PRPF6: variants seen among roughly 807,000 people sequenced by gnomAD.
The protein encoded by PRPF6 is pre-mRNA processing factor 6.
Under a neutral mutation model 118.3 loss-of-function variants are expected in PRPF6, and 42 were observed. That is an observed-to-expected ratio of 0.35 (90% confidence interval 0.28 to 0.46). The LOEUF is 0.46. Ranked by LOEUF, PRPF6 falls within the 20% of genes least tolerant of loss-of-function variation. The probability of loss-of-function intolerance (pLI) is 1.00; values close to 1 mark genes in which losing one functional copy is unlikely to be tolerated. For missense variants in PRPF6, 662 were observed against 1,255.7 expected (o/e 0.53, Z 7.15); for synonymous variants, 481 against 485.1 (o/e 0.99, Z 0.11).
At chr20:64,007,547 A>G (rs928680181) in intron 9 of PRPF6, among the ~76,000 whole-genome samples, 5 of 145,412 alleles carry the variant, frequency 3.4e-5, no homozygotes, top group Middle Eastern at 7.1e-3. Flanking sequence ...GCTCACTGCA[A>G]CCTCCACCTC....
intron 13 of PRPF6, among the ~76,000 whole-genome samples, chr20:64,023,215 G>A (rs759158510): frequency 2.0e-5 from 3 of 152,246 alleles, no homozygotes; most frequent in Non-Finnish European, 2.9e-5. Context: ...TGGCTGCAGC[G>A]GTGGGTGGGG....
At chr20:64,022,514 G>A (rs2059271183) in intron 12 of PRPF6, among the ~76,000 whole-genome samples, 1 of 152,206 alleles carries the variant, frequency 6.6e-6, no homozygotes, top group Non-Finnish European at 1.5e-5. Flanking sequence ...CACTATGTAA[G>A]TTAGGCTGGT....
chr20:64,032,718 C>CT, intron 20 of PRPF6, 123 bp from the exon 21 acceptor site: 2 of 1,303,634 alleles, frequency 1.5e-6, no homozygotes, highest in Admixed American at 2.0e-5. Context: ...CCTGTGCCCT[C>CT]TGGCCCGCCA....
chr20:64,000,722 C>T lies in PRPF6; in HGVS notation c.1024-355C>T, dbSNP rs184217266. On this transcript the variant is annotated intron_variant, in intron 8 of 20. Coordinates refer to ENST00000266079, the MANE Select transcript of PRPF6 (RefSeq NM_012469.4). Reference sequence around the variant, plus strand: ...TACCTGGGATTATAGGCACCTGCCACCACACCCGGCTAATTTTTGTAGTTT... The same window carrying T: ...TACCTGGGATTATAGGCACCTGCCATCACACCCGGCTAATTTTTGTAGTTT... 2.7e-3 allele frequency among the ~76,000 whole-genome samples: 410 copies of T among 152,184 alleles called. 3 individuals are homozygous for T. The highest frequency in any genetic ancestry group is 9.4e-3 in the African/African-American group (391 of 41,552).
intron 3 of PRPF6, among the ~76,000 whole-genome samples, chr20:63,986,783 C>G (rs188624375): frequency 2.0e-5 from 3 of 151,754 alleles, no homozygotes; most frequent in Non-Finnish European, 2.9e-5. Context: ...CCACTGCGCC[C>G]GGCCTAATCA....
In PRPF6 at chr20:64,011,553, G is replaced by A. The variant is rs2123054126; in HGVS notation, c.1524+50G>A. ...TGTCTGCTTTAACAGTGCACATGCA[G>A]CACGTGAGAGTCCCACGCAGGACTG... On this transcript the variant is annotated intron_variant, in intron 11 of 20. Transcript: ENST00000266079. This position sits in a 1 kb window ranked among gnomAD's most constrained non-coding sequence, Gnocchi z 6.7. The A allele has an allele frequency of 6.4e-7, 1 of 1,554,764 alleles. No individual in the cohort carries two copies. The highest frequency in any genetic ancestry group is 1.2e-5 in the South Asian group (1 of 86,160).
At chr20:63,982,821 T>G (rs545996871) in intron 1 of PRPF6, among the ~76,000 whole-genome samples, 1 of 152,108 alleles carries the variant, frequency 6.6e-6, no homozygotes, top group African/African-American at 2.4e-5. Flanking sequence ...ATCGAAGCCT[T>G]AGGGTGGAGA....
chr20:63,984,860 G>C, intron 2 of PRPF6, 47 bp from the exon 3 acceptor site: 1 of 1,299,000 alleles, frequency 7.7e-7, no homozygotes, highest in Non-Finnish European at 1.1e-6. Flanking sequence ...TGGTGGGGAT[G>C]GTGTTGAAGG....
chr20:64,026,431 C>G lies in PRPF6; in HGVS notation c.2028+373C>G, dbSNP rs377161367. 1.1e-4 allele frequency among the ~76,000 whole-genome samples: 16 copies of G among 151,780 alleles called. No homozygotes were observed. Among genetic ancestry groups the G allele is most frequent in the African/African-American group, 3.9e-4 (16 of 41,276 alleles). On this transcript the variant is annotated intron_variant, in intron 15 of 20. Transcript: ENST00000266079. This position sits in a 1 kb window ranked among gnomAD's most constrained non-coding sequence, Gnocchi z 4.4. Reference sequence around the variant, plus strand: ...TGAGGCAGGAGAATCGCTTGAACCCCGGGGGTGGAGGTTGCGGTGAGCTGA... The same window carrying G: ...TGAGGCAGGAGAATCGCTTGAACCCGGGGGGTGGAGGTTGCGGTGAGCTGA...
chr20:64,011,815 C>CTCTTCCCCTCTCCCCCACACCCTTTT lies in PRPF6; in HGVS notation c.1524+313_1524+314insCTTCCCCTCTCCCCCACACCCTTTTT. Reference sequence around the variant, plus strand: ...GGACAGGAAGTCTCATGGCTTCTTTCTTTGCTAGTAGAAATGATACACCTA... The same window carrying CTCTTCCCCTCTCCCCCACACCCTTTT: ...GGACAGGAAGTCTCATGGCTTCTTTCTCTTCCCCTCTCCCCCACACCCTTTTTTTGCTAGTAGAAATGATACACCTA... On this transcript the variant is annotated intron_variant, in intron 11 of 20. Coordinates refer to ENST00000266079, the MANE Select transcript of PRPF6 (RefSeq NM_012469.4). This position sits in a 1 kb window ranked among gnomAD's most constrained non-coding sequence, Gnocchi z 6.7. Among the ~76,000 whole-genome samples, 1 of 116,044 alleles carries CTCTTCCCCTCTCCCCCACACCCTTTT rather than the reference C, an allele frequency of 8.6e-6. No individual in the cohort carries two copies. The highest frequency in any genetic ancestry group is 2.9e-4 in the South Asian group (1 of 3,462). The allele number at this position is 116,044 out of a possible 152,430, so 76.1% of individuals were successfully genotyped here.
At chr20:64,013,608 C>T (rs1329228017) in intron 11 of PRPF6, among the ~76,000 whole-genome samples, 1 of 151,582 alleles carries the variant, frequency 6.6e-6, no homozygotes, top group Non-Finnish European at 1.5e-5. Context: ...CATGCTTGGC[C>T]AATTTTTTTT....
intron 20 of PRPF6, 93 bp from the exon 21 acceptor site, chr20:64,032,748 G>C: frequency 6.7e-7 from 1 of 1,502,326 alleles, no homozygotes; most frequent in Non-Finnish European, 9.0e-7. Context: ...GGTGCTGCCA[G>C]GGCCAGGTCT....
intron 14 of PRPF6, 135 bp downstream of exon 14, chr20:64,024,828 C>A: frequency 7.4e-7 from 1 of 1,347,608 alleles, no homozygotes; most frequent in Non-Finnish European, 1.0e-6. Context: ...CCAGGGGCTG[C>A]TCCACAGGAG....
intron 12 of PRPF6, among the ~76,000 whole-genome samples, chr20:64,018,606 T>G (rs1047395338): frequency 6.6e-6 from 1 of 152,182 alleles, no homozygotes; most frequent in Non-Finnish European, 1.5e-5. Flanking sequence ...TGCTAAATGG[T>G]GATTTTTTTT....
chr20:64,007,326 G>C (rs938761733), intron 9 of PRPF6, among the ~76,000 whole-genome samples: 15 of 152,054 alleles, frequency 9.9e-5, no homozygotes. Flanking sequence ...CTCAGCAGGA[G>C]AGCAGGTACC....
At chr20:63,993,702 A>G (rs1304894038) in intron 4 of PRPF6, among the ~76,000 whole-genome samples, 2 of 150,370 alleles carry the variant, frequency 1.3e-5, no homozygotes, top group Non-Finnish European at 3.0e-5. Context: ...AAATGAACTT[A>G]TTTTCTTTGT....
chr20:63,996,040 G>A lies in PRPF6; in HGVS notation c.771+558G>A, dbSNP rs1001452351. 3.9e-5 allele frequency among the ~76,000 whole-genome samples: 6 copies of A among 152,212 alleles called. No homozygotes were observed. The South Asian group carries it at 1.2e-3, about 32-fold the overall frequency. On this transcript the variant is annotated intron_variant, in intron 6 of 20. Coordinates refer to ENST00000266079, the MANE Select transcript of PRPF6 (RefSeq NM_012469.4). ...GTAAATTGTCTTGTGGCCCTGCATGGAACGTGTACTTTGATCTGGAGACTA... is the reference window on the plus strand; with the variant it reads ...GTAAATTGTCTTGTGGCCCTGCATGAAACGTGTACTTTGATCTGGAGACTA...
intron 5 of PRPF6, 21 bp from the exon 6 acceptor site, chr20:63,995,306 C>T: frequency 6.2e-7 from 1 of 1,600,646 alleles, no homozygotes; most frequent in Admixed American, 1.8e-5. Flanking sequence ...TTATTCTTGC[C>T]TTTCCTCTCT....
In PRPF6 at chr20:63,995,055, C is replaced by T. The variant is rs1369244650; in HGVS notation, c.578C>T (p.Thr193Ile). Reference protein sequence around the residue: ...PDSFFAKHLQTGENHTSVDPR... With the variant: ...PDSFFAKHLQIGENHTSVDPR... Reference sequence around the variant, plus strand: ...AGTTTCTTTGCCAAACATTTACAGACCGGAGAGAACCATACCTCAGTGGAT... The same window carrying T: ...AGTTTCTTTGCCAAACATTTACAGATCGGAGAGAACCATACCTCAGTGGAT... The change falls in exon 5 of 21, where the codon ACC (threonine) becomes ATC (isoleucine). Residue 193 changes from threonine (T) to isoleucine (I), a missense_variant. Thr to Ile is a moderately conservative substitution (Grantham distance 89). Coordinates refer to ENST00000266079, the MANE Select transcript of PRPF6 (RefSeq NM_012469.4). 4 of 1,614,008 alleles carry T rather than the reference C, an allele frequency of 2.5e-6. No individual in the cohort carries two copies. The highest frequency in any genetic ancestry group is 1.3e-5 in the African/African-American group (1 of 74,888).
Sources: gnomAD v4.1 joint callset for allele counts (sites outside exome capture counted in the v4.1 genomes callset) on GRCh38, gnomAD v4.1.1 for gene constraint, Gnocchi (gnomAD v3.1) non-coding constraint, MANE v1.5 for transcripts, NCBI Gene and HGNC (gene_info 2026-07-23, HGNC 2026-07-21) for gene names.